Variants in MYO7B observed in about 807,000 individuals in gnomAD.
MYO7B encodes myosin VIIB, also known as unconventional myosin-VIIb.
In MYO7B, 212 loss-of-function variants were observed where a neutral mutation model predicts 259.7. That is an observed-to-expected ratio of 0.82 (90% CI 0.73 to 0.91). The LOEUF is 0.91. MYO7B is among the 40% of genes least tolerant of loss of function. The pLI, the probability that MYO7B is intolerant of heterozygous loss-of-function variation, is 0.00. For synonymous variants in MYO7B, 1,197 were observed against 1,166.4 expected, an observed-to-expected ratio of 1.03 and a Z score of -0.54; for missense variants, 2,732 against 2,813.5, an observed-to-expected ratio of 0.97 and a Z score of 0.66.
intron 37 of MYO7B, 79 bp from the exon 38 acceptor site, chr2:127,631,521 C>T: frequency 1.9e-6 from 3 of 1,549,284 alleles, no homozygotes; most frequent in Non-Finnish European, 2.6e-6. Flanking sequence ...CACCGCAGGG[C>T]CGGGGTCGGG....
Position 127,586,411 on chromosome 2 carries a change from A to G in MYO7B, c.1690+1498A>G, listed in dbSNP as rs533221989. On this transcript the variant is annotated intron_variant, in intron 14 of 47. Transcript: ENST00000409816. This position sits in a 1 kb window ranked among gnomAD's most constrained non-coding sequence, Gnocchi z 4.8. ...GAGGAATGAGGAGGTGTTCTGGTCT[A>G]TTTAACTGGAGACAGGAATCCAGGG... is the stretch of plus-strand genomic sequence containing the variant. 1.3e-5 allele frequency among the ~76,000 whole-genome samples: 2 copies of G among 152,176 alleles called. No individual in the cohort carries two copies. Among genetic ancestry groups the G allele is most frequent in the African/African-American group, 4.8e-5 (2 of 41,446 alleles).
intron 16 of MYO7B, among the ~76,000 whole-genome samples, chr2:127,592,317 C>A (rs1679587436): frequency 6.6e-6 from 1 of 152,202 alleles, no homozygotes; most frequent in Non-Finnish European, 1.5e-5. Context: ...ATCGCTTGCA[C>A]CCAGGAGGCA....
rs142561271 is a variant in MYO7B at position 127,622,036 on chromosome 2, G to A, written c.3580G>A (p.Glu1194Lys). 554 of 1,551,730 alleles carry A rather than the reference G, an allele frequency of 3.6e-4. 3 individuals are homozygous for A. In the African/African-American group the frequency reaches 6.4e-3, roughly 18 times the overall value. ...GGCGACCTACGGCCCCTTCTGTGCC[G>A]AGCGCCTGAGACGCACCTATGCCAA... ...GPATYGPFCA[E>K]RLRRTYANGV... The change falls in exon 28 of 48, where the codon GAG becomes AAG. Residue 1194 changes from glutamate to lysine, a missense_variant. Transcript: ENST00000409816.
intron 47 of MYO7B, 119 bp downstream of exon 47, chr2:127,637,032 C>A: frequency 2.7e-6 from 4 of 1,494,654 alleles, no homozygotes; most frequent in Non-Finnish European, 2.7e-6. Flanking sequence ...AGGGCCCAGG[C>A]GGGGCCAGCA....
intron 19 of MYO7B, among the ~76,000 whole-genome samples, chr2:127,603,234 G>A (rs1680031724): frequency 6.6e-6 from 1 of 152,166 alleles, no homozygotes; most frequent in Non-Finnish European, 1.5e-5. Context: ...AATCATGAAT[G>A]TTCTTAGTGG....
rs1680370122 is a variant in MYO7B, at chr2:127,611,139, G to T, written c.3193-1111G>T. Reference sequence around the variant, plus strand: ...CTCACTCACATGGCTGTTGGTGGGAGGCCTCAGTTCCTTGTCATGTGGGCC... The same window carrying T: ...CTCACTCACATGGCTGTTGGTGGGATGCCTCAGTTCCTTGTCATGTGGGCC... On this transcript the variant is annotated intron_variant, in intron 24 of 47. Coordinates refer to ENST00000409816, the MANE Select transcript of MYO7B (RefSeq NM_001393586.1). The surrounding 1 kb of genome is among the most constrained non-coding windows in gnomAD (Gnocchi z 5.4). 6.6e-6 allele frequency among the ~76,000 whole-genome samples: 1 copy of T among 152,228 alleles called. No homozygotes were observed. Among genetic ancestry groups the T allele is most frequent in the South Asian group, 2.1e-4 (1 of 4,836 alleles).
chr2:127,573,842 A>T (rs1189902267), intron 6 of MYO7B, 78 bp from the exon 7 acceptor site: 7 of 1,563,272 alleles, frequency 4.5e-6, no homozygotes, highest in Non-Finnish European at 6.1e-6. Flanking sequence ...TCCTCTGAGA[A>T]GCCCTCTTAC....
At position 127,625,536 on chromosome 2, in the gene MYO7B, G is replaced by A; in HGVS notation, c.4215+1G>A. 2 of 1,596,344 alleles carry A rather than the reference G, an allele frequency of 1.3e-6. No homozygotes were observed. Among genetic ancestry groups the A allele is most frequent in the Non-Finnish European group, 1.7e-6 (2 of 1,170,650 alleles). ...CCTCGTCACTGCCGCCTGCGCCAAGGTCAGCCTGCATGCAGCTCAGGCACC... is the reference window on the plus strand; with the variant it reads ...CCTCGTCACTGCCGCCTGCGCCAAGATCAGCCTGCATGCAGCTCAGGCACC... On this transcript the variant is annotated splice_donor_variant, in intron 31 of 47. Transcript: ENST00000409816. LOFTEE classifies it high-confidence loss of function.
chr2:127,616,645 C>T (rs1363144285), intron 26 of MYO7B, among the ~76,000 whole-genome samples: 81 of 152,332 alleles, frequency 5.3e-4, no homozygotes, highest in Non-Finnish European at 1.3e-4. Context: ...TTTGTCTCCT[C>T]CAGTTAACGT....
chr2:127,609,493 T>C lies in MYO7B; in HGVS notation c.2815-13T>C, dbSNP rs757375470. ...AAGCCCTGCTGACCCGTGTTCTCCC[T>C]CAATGGCCGTAGGATCTGGAATCGA... On this transcript the variant is annotated splice_polypyrimidine_tract_variant and intron_variant, in intron 22 of 47. Coordinates refer to ENST00000409816, the MANE Select transcript of MYO7B (RefSeq NM_001393586.1). The surrounding 1 kb of genome is among the most constrained non-coding windows in gnomAD (Gnocchi z 6.9). The C allele has an allele frequency of 8.7e-6, 14 of 1,604,588 alleles. No individual in the cohort carries two copies. In the African/African-American group the frequency reaches 1.3e-4, roughly 15 times the overall value.
chr2:127,541,880 G>A (rs770315392), intron 1 of MYO7B, among the ~76,000 whole-genome samples: 2 of 152,170 alleles, frequency 1.3e-5, no homozygotes, highest in East Asian at 1.9e-4. Context: ...TCTCTTCCCC[G>A]GGGCTGCCTT....
chr2:127,560,428 A>T (rs745996803), intron 2 of MYO7B, among the ~76,000 whole-genome samples: 11 of 152,074 alleles, frequency 7.2e-5, no homozygotes. Flanking sequence ...CCCAGGTCTG[A>T]ATCACCCCTT....
chr2:127,625,551 G>T lies in MYO7B; in HGVS notation c.4215+16G>T. On this transcript the variant is annotated intron_variant, in intron 31 of 47. Transcript: ENST00000409816. Reference sequence around the variant, plus strand: ...CTGCGCCAAGGTCAGCCTGCATGCAGCTCAGGCACCCACCCGAGGGCTCTC... The same window carrying T: ...CTGCGCCAAGGTCAGCCTGCATGCATCTCAGGCACCCACCCGAGGGCTCTC... 1.2e-5 allele frequency: 19 copies of T among 1,577,474 alleles called. No homozygotes were observed. The highest frequency in any genetic ancestry group is 1.6e-5 in the Non-Finnish European group (18 of 1,159,794).
At chr2:127,563,817 C>T (rs940639670) in intron 2 of MYO7B, among the ~76,000 whole-genome samples, 5 of 152,220 alleles carry the variant, frequency 3.3e-5, no homozygotes, top group African/African-American at 9.6e-5. Context: ...GAAGCACTTT[C>T]TCTCTTAACC....
chr2:127,557,355 C>T (rs1179558170), intron 1 of MYO7B, among the ~76,000 whole-genome samples: 1 of 151,918 alleles, frequency 6.6e-6, no homozygotes, highest in Admixed American at 6.6e-5. Flanking sequence ...TCTCTGGTGC[C>T]TCCTTGATTA....
rs1421196644 is a variant in MYO7B, at chr2:127,607,395, C to T, written c.2614C>T (p.Arg872Trp). ...IQAHARGMAA[R>W]RNFQQRKANA... ...GGCCCATGCCAGGGGCATGGCTGCC[C>T]GGCGCAACTTCCAGCAAAGGAAGGC... Residue 872 changes from arginine to tryptophan, a missense_variant, in exon 21 of 48, where the codon CGG becomes TGG. Arg to Trp is a moderately radical substitution (Grantham distance 101). This residue lies in a region of MYO7B where 1,906 missense variants were observed against 2,026.4 expected (regional missense o/e 0.94). Transcript: ENST00000409816. The surrounding 1 kb of genome is among the most constrained non-coding windows in gnomAD (Gnocchi z 4.4). 3.0e-5 allele frequency: 47 copies of T among 1,551,084 alleles called. No individual in the cohort carries two copies. Among genetic ancestry groups the T allele is most frequent in the South Asian group, 9.5e-5 (8 of 84,054 alleles).
At chr2:127,557,221 C>T (rs780028770) in intron 1 of MYO7B, among the ~76,000 whole-genome samples, 7 of 152,042 alleles carry the variant, frequency 4.6e-5, no homozygotes, top group Non-Finnish European at 1.0e-4. Context: ...TTGCATTTCT[C>T]TAAGTGTGTC....
intron 1 of MYO7B, among the ~76,000 whole-genome samples, chr2:127,545,388 G>A (rs903536429): frequency 6.6e-6 from 1 of 152,172 alleles, no homozygotes; most frequent in Non-Finnish European, 1.5e-5. Context: ...CTGCCCAGGG[G>A]CCCCCTCCTT....
chr2:127,628,551 G>T lies in MYO7B; in HGVS notation c.4624+16G>T. The T allele has an allele frequency of 9.8e-7, 1 of 1,017,498 alleles. No individual in the cohort carries two copies. The highest frequency in any genetic ancestry group is 1.3e-6 in the Non-Finnish European group (1 of 767,482). 63.0% of individuals were successfully genotyped at this position (1,017,498 alleles called of 1,614,324 possible). On this transcript the variant is annotated intron_variant, in intron 34 of 47. Coordinates refer to ENST00000409816, the MANE Select transcript of MYO7B (RefSeq NM_001393586.1). The surrounding 1 kb of genome is among the most constrained non-coding windows in gnomAD (Gnocchi z 4.8). ...AAGGCCACAGGTGCCAGACTGGGTG[G>T]GGTGGGGTGGGGTGGGGTGGGGTGG...
Sources: allele counts gnomAD v4.1 joint callset (sites outside exome capture counted in the v4.1 genomes callset), GRCh38; gene constraint gnomAD v4.1.1; regional missense constraint gnomAD v4.1.1; non-coding constraint Gnocchi (gnomAD v3.1); transcripts MANE v1.5; gene names NCBI Gene and HGNC (gene_info 2026-07-23, HGNC 2026-07-21).